Variants in TUSC3 observed in about 807,000 individuals in gnomAD.
The protein encoded by TUSC3 is tumor suppressor candidate 3, also known as dolichyl-diphosphooligosaccharide--protein glycosyltransferase subunit TUSC3.
TUSC3 carries 45 observed loss-of-function variants against 44.8 expected under a neutral mutation model. The ratio of observed to expected loss-of-function variants is 1.00; its 90% CI spans 0.79 to 1.29. The LOEUF is 1.29. TUSC3 is among the 50% of genes most tolerant of loss of function. The pLI, the probability that TUSC3 is intolerant of heterozygous loss-of-function variation, is 0.00. For missense variants in TUSC3, 519 were observed against 437.9 expected, an observed-to-expected ratio of 1.19 and a Z score of -1.65; for synonymous variants, 212 against 152.9, an observed-to-expected ratio of 1.39 and a Z score of -2.85.
At chr8:15,505,251 C>A (rs182048453) in intron 2 of TUSC3, among the ~76,000 whole-genome samples, 1 of 152,262 alleles carries the variant, frequency 6.6e-6, no homozygotes, top group East Asian at 1.9e-4. Flanking sequence ...TCCTTCCAAA[C>A]AAGAAGGCTT....
chr8:15,505,666 G>A (rs1801042182), intron 2 of TUSC3, among the ~76,000 whole-genome samples: 1 of 152,124 alleles, frequency 6.6e-6, no homozygotes. Context: ...TCTGAAGTGG[G>A]GTCAGAGAAA....
intron 6 of TUSC3, among the ~76,000 whole-genome samples, chr8:15,711,831 A>G (rs374967822): frequency 3.3e-5 from 5 of 151,876 alleles, no homozygotes; most frequent in Non-Finnish European, 5.9e-5. Flanking sequence ...GAATTACTCT[A>G]TAGTTTCAGA....
At chr8:15,474,928 C>G (rs990265723) in intron 1 of TUSC3, among the ~76,000 whole-genome samples, 1 of 152,130 alleles carries the variant, frequency 6.6e-6, no homozygotes, top group Non-Finnish European at 1.5e-5. Context: ...CTAATTAAAG[C>G]AATTTCTTAT....
intron 10 of TUSC3, among the ~76,000 whole-genome samples, chr8:15,761,807 G>A (rs1812178313): frequency 6.6e-6 from 1 of 151,954 alleles, no homozygotes; most frequent in African/African-American, 2.4e-5. Context: ...ATGATACGAA[G>A]GCATTTATAC....
At chr8:15,501,086 A>G (rs530807979) in intron 2 of TUSC3, among the ~76,000 whole-genome samples, 1 of 152,188 alleles carries the variant, frequency 6.6e-6, no homozygotes, top group African/African-American at 2.4e-5. Flanking sequence ...AAAACTTAGG[A>G]CACTGTAAAC....
intron 1 of TUSC3, among the ~76,000 whole-genome samples, chr8:15,589,887 T>C (rs915321173): frequency 6.6e-6 from 1 of 152,198 alleles, no homozygotes; most frequent in Non-Finnish European, 1.5e-5. Context: ...GTATAAATTC[T>C]CACTATCCCT....
At chr8:15,750,506 AAGTTTGTACTTCTTTT>A (rs1811651492) in intron 9 of TUSC3, among the ~76,000 whole-genome samples, 1 of 152,054 alleles carries the variant, frequency 6.6e-6, no homozygotes, top group African/African-American at 2.4e-5. Flanking sequence ...GGAAGAGTTT[AAGTTTGTACTTCTTTT>A]AGTTTGTACT....
chr8:15,423,313 G>A (rs1365317739), intron 1 of TUSC3, among the ~76,000 whole-genome samples: 1 of 152,026 alleles, frequency 6.6e-6, no homozygotes, highest in Non-Finnish European at 1.5e-5. Flanking sequence ...TGTCTTTGTA[G>A]GATTTGGTTT....
At chr8:15,788,646 GA>G in the TUSC3 span, among the ~76,000 whole-genome samples, 2 of 152,070 alleles carry the variant, frequency 1.3e-5, no homozygotes, top group Non-Finnish European at 2.9e-5. Flanking sequence ...GGGGCTGATG[GA>G]AACATAAAGG....
At chr8:15,705,318 A>T (rs1046002212) in intron 6 of TUSC3, among the ~76,000 whole-genome samples, 1 of 152,076 alleles carries the variant, frequency 6.6e-6, no homozygotes, top group Admixed American at 6.6e-5. Flanking sequence ...CTTTGAACAA[A>T]AACTATTTAA....
At chr8:15,466,889 A>C (rs1328338277) in intron 1 of TUSC3, among the ~76,000 whole-genome samples, 1 of 152,042 alleles carries the variant, frequency 6.6e-6, no homozygotes, top group Non-Finnish European at 1.5e-5. Context: ...TTGATAATTG[A>C]ATATTGTTTC....
chr8:15,483,993 A>C (rs1161807548), intron 2 of TUSC3, among the ~76,000 whole-genome samples: 2 of 152,030 alleles, frequency 1.3e-5, no homozygotes, highest in Non-Finnish European at 1.5e-5. Context: ...CCTCTCTATA[A>C]ATGTTGAGGT....
At chr8:15,459,320 C>T (rs1488014866) in intron 1 of TUSC3, among the ~76,000 whole-genome samples, 1 of 152,076 alleles carries the variant, frequency 6.6e-6, no homozygotes, top group African/African-American at 2.4e-5. Flanking sequence ...TGGATGCTTT[C>T]ATTCCTGTTC....
intron 2 of TUSC3, among the ~76,000 whole-genome samples, chr8:15,506,457 C>G (rs1414488971): frequency 6.6e-6 from 1 of 152,178 alleles, no homozygotes; most frequent in Non-Finnish European, 1.5e-5. Context: ...CATCATATGA[C>G]CCCTTGTATT....
At chr8:15,520,977 A>T (rs1032747185) in intron 2 of TUSC3, among the ~76,000 whole-genome samples, 3 of 152,218 alleles carry the variant, frequency 2.0e-5, no homozygotes, top group Non-Finnish European at 4.4e-5. Context: ...GATTGTTACA[A>T]GAAAAGCTTG....
At chr8:15,618,878 AAGAAT>A (rs1805113394) in intron 1 of TUSC3, among the ~76,000 whole-genome samples, 2 of 152,136 alleles carry the variant, frequency 1.3e-5, no homozygotes, top group Non-Finnish European at 2.9e-5. Flanking sequence ...ATTAGGCGGT[AAGAAT>A]TTTTCAGCCC....
the TUSC3 span, among the ~76,000 whole-genome samples, chr8:15,842,706 T>C: frequency 1.3e-5 from 2 of 152,316 alleles, no homozygotes; most frequent in Middle Eastern, 3.4e-3. Flanking sequence ...AGAAAAATTT[T>C]TGGTCTGTGA....
intron 2 of TUSC3, among the ~76,000 whole-genome samples, chr8:15,493,211 C>T (rs895063746): frequency 4.6e-5 from 7 of 152,246 alleles, no homozygotes; most frequent in African/African-American, 1.7e-4. Context: ...TCTGATGTTT[C>T]TGTATTATTT....
intron 6 of TUSC3, among the ~76,000 whole-genome samples, chr8:15,729,878 A>T (rs995505008): frequency 1.3e-5 from 2 of 152,170 alleles, no homozygotes; most frequent in African/African-American, 4.8e-5. Context: ...AGAAAAAAAA[A>T]AGATACCTTC....
Sources: gnomAD v4.1 joint callset for allele counts (sites outside exome capture counted in the v4.1 genomes callset) on GRCh38, gnomAD v4.1.1 for gene constraint, MANE v1.5 for transcripts, NCBI Gene and HGNC (gene_info 2026-07-23, HGNC 2026-07-21) for gene names.